Variants in ANKRD26 observed in about 807,000 individuals in gnomAD.
ANKRD26 encodes ankyrin repeat domain 26, also known as ankyrin repeat domain-containing protein 26.
In ANKRD26, 141 loss-of-function variants were observed where a neutral mutation model predicts 208.7. That is an observed-to-expected ratio of 0.68 (90% CI 0.59 to 0.78). The LOEUF is 0.78. ANKRD26 is among the 30% of genes least tolerant of loss of function. The pLI is 0.00. For missense variants in ANKRD26, 1,889 were observed against 1,938.7 expected, an observed-to-expected ratio of 0.97 and a Z score of 0.48; for synonymous variants, 636 against 660.4, an observed-to-expected ratio of 0.96 and a Z score of 0.57.
chr10:27,073,222 A>G (rs1485820504), intron 9 of ANKRD26, among the ~76,000 whole-genome samples: 1 of 152,218 alleles, frequency 6.6e-6, no homozygotes, highest in Non-Finnish European at 1.5e-5. Context: ...TTCCCTTAAC[A>G]GGTAGCCCTG....
chr10:27,051,266 T>C (rs1298361651), intron 16 of ANKRD26: 2 of 1,289,602 alleles, frequency 1.6e-6, no homozygotes, highest in Non-Finnish European at 2.0e-6. Context: ...AATGATCATA[T>C]AATGGCTTCT....
At position 27,005,267 on chromosome 10, in the gene ANKRD26, C is replaced by T. The variant is rs892846998; in HGVS notation, c.*323G>A. On this transcript the variant is annotated 3_prime_UTR_variant, in exon 34 of 34. Transcript: ENST00000376087. ...AAGTCCAATTAGACATCTACCACTA[C>T]ATATAGTGATAAAAATTACAAAATA... is the stretch of plus-strand genomic sequence containing the variant. 3 of 1,074,670 alleles carry T rather than the reference C, an allele frequency of 2.8e-6. No homozygotes were observed. Among genetic ancestry groups the T allele is most frequent in the Non-Finnish European group, 3.4e-6 (3 of 884,072 alleles). The allele number at this position is 1,074,670 out of a possible 1,614,324, so 66.6% of individuals were successfully genotyped here.
At position 27,030,630 on chromosome 10, in the gene ANKRD26, T is replaced by G. The variant is rs1208919702; in HGVS notation, c.3808-1274A>C. The G allele has an allele frequency of 4.1e-6, 4 of 981,536 alleles. No individual in the cohort carries two copies. The African/African-American group carries it at 7.0e-5, about 17-fold the overall frequency. 60.8% of individuals were successfully genotyped at this position (981,536 alleles called of 1,614,324 possible). On this transcript the variant is annotated intron_variant, in intron 25 of 33. Transcript: ENST00000376087. ...GTAATAAAGAAATGGAAATGTAGAT[T>G]TCTTTTCAGGGTGAAAAACATGAGC...
At chr10:27,014,810 ACTCC>A in intron 30 of ANKRD26, 99 bp from the exon 31 acceptor site, 2 of 936,240 alleles carry the variant, frequency 2.1e-6, no homozygotes, top group Admixed American at 2.4e-5. Flanking sequence ...TTTAACCCAA[ACTCC>A]AAAAAGAGAA....
At chr10:27,022,347 C>A (rs1219780446) in intron 29 of ANKRD26, among the ~76,000 whole-genome samples, 2 of 152,104 alleles carry the variant, frequency 1.3e-5, no homozygotes, top group African/African-American at 2.4e-5. Flanking sequence ...ACAAAATAAT[C>A]TGTTTAACAA....
chr10:26,976,703 C>T (rs1235086845), intron 5 of ANKRD26, among the ~76,000 whole-genome samples: 1 of 152,004 alleles, frequency 6.6e-6, no homozygotes, highest in Admixed American at 6.6e-5. Flanking sequence ...AAGTTTAAGG[C>T]TTCTTAGCCG....
chr10:26,975,012 C>T (rs886142227), exon 6 of ANKRD26, among the ~76,000 whole-genome samples: 1 of 152,042 alleles, frequency 6.6e-6, no homozygotes, highest in African/African-American at 2.4e-5. Context: ...TTTATAGGGC[C>T]TCTTGTATCA....
the ANKRD26 span, among the ~76,000 whole-genome samples, chr10:26,952,082 T>A: frequency 6.6e-6 from 1 of 152,232 alleles, no homozygotes; most frequent in Non-Finnish European, 1.5e-5. Flanking sequence ...CAGGGCCAGA[T>A]AGCAGCCTCT....
At position 27,037,171 on chromosome 10, in the gene ANKRD26, A is replaced by G; in HGVS notation, c.2697+15T>C. 1 of 1,611,998 alleles carries G rather than the reference A, an allele frequency of 6.2e-7. No homozygotes were observed. The highest frequency in any genetic ancestry group is 8.5e-7 in the Non-Finnish European group (1 of 1,178,362). Reference sequence around the variant, plus strand: ...TACACACATATTTGAAAATGACTAAAGGAAATAGAAATACCTCAGAATTCA... The same window carrying G: ...TACACACATATTTGAAAATGACTAAGGGAAATAGAAATACCTCAGAATTCA... On this transcript the variant is annotated intron_variant, in intron 23 of 33. Transcript: ENST00000376087.
intron 1 of ANKRD26, among the ~76,000 whole-genome samples, chr10:27,096,403 A>G (rs2056465932): frequency 6.6e-6 from 1 of 152,214 alleles, no homozygotes; most frequent in South Asian, 2.1e-4. Context: ...TATCATATTC[A>G]TGACTAAAAT....
At chr10:26,983,112 C>T (rs150939832) in intron 3 of ANKRD26, among the ~76,000 whole-genome samples, 9 of 152,246 alleles carry the variant, frequency 5.9e-5, no homozygotes, top group East Asian at 1.9e-4. Flanking sequence ...TTTTCTTATA[C>T]GTGAGTCCTC....
At chr10:26,990,190 TG>T (rs992967372), downstream of ANKRD26, among the ~76,000 whole-genome samples, 9 of 152,064 alleles carry the variant, frequency 5.9e-5, no homozygotes, top group African/African-American at 1.9e-4. Flanking sequence ...GAGTCTGCTT[TG>T]GTTATAGTTG....
intron 32 of ANKRD26, 72 bp from the exon 33 acceptor site, chr10:27,007,034 C>T: frequency 2.6e-6 from 3 of 1,164,546 alleles, no homozygotes; most frequent in East Asian, 2.4e-5. Flanking sequence ...TGATGTATCA[C>T]TTACAAAATG....
At chr10:26,956,467 T>C in the ANKRD26 span, among the ~76,000 whole-genome samples, 2 of 152,162 alleles carry the variant, frequency 1.3e-5, no homozygotes, top group African/African-American at 4.8e-5. Flanking sequence ...ATTAAGTCTC[T>C]ATTTTTAAAA....
chr10:26,997,265 T>C (rs912150294), intron 4 of ANKRD26, among the ~76,000 whole-genome samples: 2 of 152,170 alleles, frequency 1.3e-5, no homozygotes, highest in Non-Finnish European at 2.9e-5. Context: ...GATACACCCA[T>C]GATGCTAATC....
intron 32 of ANKRD26, among the ~76,000 whole-genome samples, chr10:27,007,740 A>T (rs930292383): frequency 1.3e-5 from 2 of 152,230 alleles, no homozygotes; most frequent in Admixed American, 1.3e-4. Context: ...ATTTTTTGGT[A>T]CAGAATCATC....
At chr10:27,061,966 G>A in intron 12 of ANKRD26, 6 of 985,026 alleles carry the variant, frequency 6.1e-6, no homozygotes, top group Non-Finnish European at 7.2e-6. Flanking sequence ...ATAATCTCTG[G>A]AGCAGAAATG....
chr10:27,022,689 T>G lies in ANKRD26; in HGVS notation c.4086-2A>C. 1 of 1,581,864 alleles carries G rather than the reference T, an allele frequency of 6.3e-7. No homozygotes were observed. The highest frequency in any genetic ancestry group is 2.3e-5 in the East Asian group (1 of 43,670). On this transcript the variant is annotated splice_acceptor_variant, in intron 28 of 33. Coordinates refer to ENST00000376087, the MANE Select transcript of ANKRD26 (RefSeq NM_014915.3). LOFTEE classifies it high-confidence loss of function. The stretch of plus-strand genomic sequence containing the variant: ...GTCATTTTTAAGAGGTTCTTAAATC[T>G]GCAGGAAGGTACAAAATGAGTAACT...
At chr10:26,967,532 T>TCA in the ANKRD26 span, among the ~76,000 whole-genome samples, 83,074 of 151,520 alleles carry the variant, frequency 0.55, 23,338 homozygotes, top group Non-Finnish European at 0.59. Flanking sequence ...TGACACTCAA[T>TCA]TATCTCTCTA....
Sources: allele counts gnomAD v4.1 joint callset (sites outside exome capture counted in the v4.1 genomes callset), GRCh38; gene constraint gnomAD v4.1.1; transcripts MANE v1.5; gene names NCBI Gene and HGNC (gene_info 2026-07-23, HGNC 2026-07-21).